The following OTUD4 variants were observed in gnomAD, a reference collection of about 807,000 sequenced individuals.
OTUD4 encodes the protein OTU domain-containing protein 4.
In OTUD4, 24 loss-of-function variants were observed where a neutral mutation model predicts 130.4. That is an observed-to-expected ratio of 0.18 (90% CI 0.13 to 0.26). The LOEUF (loss-of-function observed/expected upper bound fraction) is 0.26. Among genes scored for constraint, OTUD4 ranks in the 10% least tolerant of loss-of-function variants. OTUD4 has a pLI of 1.00. For missense variants in OTUD4, 1,031 were observed against 1,329.4 expected (o/e 0.78, Z 3.49); for synonymous variants, 420 against 472.5 (o/e 0.89, Z 1.44).
chr4:145,155,998 T>TA lies in OTUD4; in HGVS notation c.630-3dup, dbSNP rs1751270500. 8 of 1,608,644 alleles carry TA rather than the reference T, an allele frequency of 5.0e-6. No homozygotes were observed. The highest frequency in any genetic ancestry group is 6.8e-6 in the Non-Finnish European group (8 of 1,177,722). ...GCAGCAGCAGCAGCAGTCTTACTCC[T>TA]ACAAAGAAAGATAACCATAATTGGG... is the stretch of plus-strand genomic sequence containing the variant. On this transcript the variant is annotated splice_polypyrimidine_tract_variant and splice_region_variant and intron_variant, in intron 7 of 20. Transcript: ENST00000447906.
intron 17 of OTUD4, 68 bp from the exon 18 acceptor site, chr4:145,142,402 C>T: frequency 1.4e-6 from 2 of 1,399,670 alleles, no homozygotes; most frequent in Non-Finnish European, 2.0e-6. Context: ...AACACTATTT[C>T]TAACCACCAG....
In OTUD4 at chr4:145,148,601, A is replaced by G. The variant is rs569337271; in HGVS notation, c.1259+1912T>C. ...CGATCAGAGTCAACACCAGAAACACACTGGATTATAAATTCAGTTTATAAT... is the reference window on the plus strand; with the variant it reads ...CGATCAGAGTCAACACCAGAAACACGCTGGATTATAAATTCAGTTTATAAT... On this transcript the variant is annotated intron_variant, in intron 13 of 20. Transcript: ENST00000447906. 3.3e-5 allele frequency among the ~76,000 whole-genome samples: 5 copies of G among 152,330 alleles called. No individual in the cohort carries two copies. The South Asian group carries it at 1.0e-3, about 32-fold the overall frequency.
At chr4:145,143,899 A>G (rs1278305353) in intron 16 of OTUD4, 47 bp downstream of exon 16, 1 of 1,354,928 alleles carries the variant, frequency 7.4e-7, no homozygotes, top group Non-Finnish European at 1.1e-6. Flanking sequence ...TGTACTACAC[A>G]GTATTAAGGA....
At chr4:145,163,373 A>T (rs1560993187) in intron 5 of OTUD4, among the ~76,000 whole-genome samples, 1 of 152,176 alleles carries the variant, frequency 6.6e-6, no homozygotes, top group Non-Finnish European at 1.5e-5. Context: ...AAGTCAGTTG[A>T]TCTTTCTTTC....
chr4:145,159,378 G>A (rs2126778476), intron 7 of OTUD4, 125 bp downstream of exon 7: 1 of 1,534,962 alleles, frequency 6.5e-7, no homozygotes, highest in Non-Finnish European at 8.7e-7. Context: ...GCAGACTGCT[G>A]TATTTTATGA....
rs571978685 is a variant in OTUD4 at position 145,137,890 on chromosome 4, T to C, written c.2885A>G (p.His962Arg). The C allele has an allele frequency of 6.2e-7, 1 of 1,614,148 alleles. No individual in the cohort carries two copies. The highest frequency in any genetic ancestry group is 1.3e-5 in the African/African-American group (1 of 75,044). Residue 962 changes from histidine to arginine, a missense_variant, in exon 21 of 21, where the codon CAT (histidine) becomes CGT (arginine). By Grantham distance (29) the His-to-Arg change is conservative. Transcript: ENST00000447906. ...SIPPVAEGKA[H>R]PPTQILNRER... ...TCTGTTTAGAATCTGAGTGGGAGGATGAGCCTTTCCCTCTGCTACAGGAGG... is the reference window on the plus strand; with the variant it reads ...TCTGTTTAGAATCTGAGTGGGAGGACGAGCCTTTCCCTCTGCTACAGGAGG...
chr4:145,168,774 T>C (rs1308491976), intron 3 of OTUD4, among the ~76,000 whole-genome samples: 1 of 152,218 alleles, frequency 6.6e-6, no homozygotes, highest in African/African-American at 2.4e-5. Context: ...GTTTACCAGA[T>C]GACCAAGCAA....
In OTUD4 at chr4:145,141,590, A is replaced by C. The variant is rs760667252; in HGVS notation, c.1872T>G (p.Thr624=). ...PVLSVTQTLT[T]GPDSAVSQAH... ...CTTGGGATACAGCTGAATCAGGTCC[A>C]GTGGTCAAAGTCTGTGTCACTGACA... The change falls in exon 19 of 21, where the codon ACT becomes ACG. Residue 624 remains threonine (T), a synonymous_variant. Coordinates refer to ENST00000447906, the MANE Select transcript of OTUD4 (RefSeq NM_001366057.1). 6.3e-7 allele frequency: 1 copy of C among 1,593,460 alleles called. No homozygotes were observed. The highest frequency in any genetic ancestry group is 1.7e-5 in the Admixed American group (1 of 57,800).
At chr4:145,138,715 C>T in intron 20 of OTUD4, 65 bp from the exon 21 acceptor site, 2 of 1,442,336 alleles carry the variant, frequency 1.4e-6, no homozygotes, top group Non-Finnish European at 1.9e-6. Context: ...GGGTGGATAT[C>T]AATCTACAAG....
chr4:145,137,747 T>C lies in OTUD4; in HGVS notation c.3028A>G (p.Asn1010Asp). The part of the protein sequence containing the change: ...TAADVVSPGA[N>D]SVDSRVQRPK... The stretch of plus-strand genomic sequence containing the variant: ...CTTTGCACTCTGCTATCAACAGAGT[T>C]GGCCCCAGGGCTGACCACATCAGCA... Residue 1010 changes from asparagine to aspartate, a missense_variant, in exon 21 of 21, where the codon AAC becomes GAC. Physicochemically the swap from Asn to Asp is conservative, Grantham distance 23. This residue lies in a region of OTUD4 where 900 missense variants were observed against 1,095.9 expected (regional missense o/e 0.82). Coordinates refer to ENST00000447906, the MANE Select transcript of OTUD4 (RefSeq NM_001366057.1). 1 of 1,613,970 alleles carries C rather than the reference T, an allele frequency of 6.2e-7. No homozygotes were observed. Among genetic ancestry groups the C allele is most frequent in the Non-Finnish European group, 8.5e-7 (1 of 1,179,870 alleles).
At position 145,155,894 on chromosome 4, in the gene OTUD4, A is replaced by G. The variant is rs78310000; in HGVS notation, c.690+42T>C. ...AAGATTTTAATGTACATGCTTTCTT[A>G]TATTAAAGAACTACATTTAAAACCA... On this transcript the variant is annotated intron_variant, in intron 8 of 20. Transcript: ENST00000447906. 1.1e-5 allele frequency: 16 copies of G among 1,449,008 alleles called. No individual in the cohort carries two copies. The Admixed American group carries it at 2.2e-4, about 20-fold the overall frequency. The allele number at this position is 1,449,008 out of a possible 1,614,324, so 89.8% of individuals were successfully genotyped here. A position where few individuals can be genotyped will look rare whatever the true frequency, so the allele number is the denominator to read the frequency against.
At position 145,146,267 on chromosome 4, in the gene OTUD4, G is replaced by A. The variant is rs776135057; in HGVS notation, c.1422C>T (p.Ser474=). Residue 474 remains serine (S), a splice_region_variant and synonymous_variant, in exon 14 of 21, where the codon TCC becomes TCT. Coordinates refer to ENST00000447906, the MANE Select transcript of OTUD4 (RefSeq NM_001366057.1). The stretch of plus-strand genomic sequence containing the variant: ...TTTTAAACTGTCTTTTCATACATAC[G>A]GAAAGGGCTGGGAAAGCCTGTTCAT... ...NRDEQAFPAL[S]SSSVNQSASQ... The A allele has an allele frequency of 1.9e-5, 29 of 1,513,284 alleles. No homozygotes were observed. The highest frequency in any genetic ancestry group is 3.5e-4 in the Middle Eastern group (2 of 5,752). 93.7% of individuals were successfully genotyped at this position (1,513,284 alleles called of 1,614,324 possible).
chr4:145,177,010 T>G (rs1752461189), intron 1 of OTUD4, among the ~76,000 whole-genome samples: 1 of 152,362 alleles, frequency 6.6e-6, no homozygotes, highest in Admixed American at 6.5e-5. Flanking sequence ...TTCTTATATA[T>G]TCTAAGAGTA....
In OTUD4 at chr4:145,161,010, T is replaced by C. The variant is rs552142585; in HGVS notation, c.497-1375A>G. Among the ~76,000 whole-genome samples the C allele has an allele frequency of 1.1e-4, 16 of 151,744 alleles. No homozygotes were observed. The East Asian group carries it at 2.7e-3, about 26-fold the overall frequency. On this transcript the variant is annotated intron_variant, in intron 6 of 20. Coordinates refer to ENST00000447906, the MANE Select transcript of OTUD4 (RefSeq NM_001366057.1). ...CTGTAATCCAAGCTACTCGGGAGGCTGAGGCAGGAGAATAGCTTAAACCCA... is the reference window on the plus strand; with the variant it reads ...CTGTAATCCAAGCTACTCGGGAGGCCGAGGCAGGAGAATAGCTTAAACCCA...
At chr4:145,156,928 C>G (rs1406158959) in intron 7 of OTUD4, among the ~76,000 whole-genome samples, 1 of 152,074 alleles carries the variant, frequency 6.6e-6, no homozygotes, top group Non-Finnish European at 1.5e-5. Flanking sequence ...ATACAGTATT[C>G]TCGGGATGTG....
chr4:145,152,442 T>C, intron 11 of OTUD4, 99 bp downstream of exon 11: 1 of 686,956 alleles, frequency 1.5e-6, no homozygotes, highest in Non-Finnish European at 2.5e-6. Context: ...GGCAATTATC[T>C]TTCATTGAAT....
chr4:145,137,164 TTAAC>T lies in OTUD4; in HGVS notation c.*262_*265del, dbSNP rs1451613867. 4 of 336,304 alleles carry T rather than the reference TTAAC, an allele frequency of 1.2e-5. No individual in the cohort carries two copies. The highest frequency in any genetic ancestry group is 2.2e-5 in the Non-Finnish European group (4 of 185,552). 20.8% of individuals were successfully genotyped at this position (336,304 alleles called of 1,614,324 possible). On this transcript the variant is annotated 3_prime_UTR_variant, in exon 21 of 21. Transcript: ENST00000447906. ...TATTAAGCTGTTTATAAAAAATACT[TTAAC>T]AAACTTATCTTCTACTTTTTACGGG...
chr4:145,155,917 C>T lies in OTUD4; in HGVS notation c.690+19G>A, dbSNP rs1217701039. 1.9e-6 allele frequency: 3 copies of T among 1,578,128 alleles called. No homozygotes were observed. The highest frequency in any genetic ancestry group is 1.8e-5 in the Admixed American group (1 of 54,462). ...TTATATTAAAGAACTACATTTAAAA[C>T]CACTTTTAAAAAAAATACCTCATTG... On this transcript the variant is annotated intron_variant, in intron 8 of 20. Transcript: ENST00000447906.
At chr4:145,171,360 G>A (rs935935617) in intron 3 of OTUD4, 1 of 211,470 alleles carries the variant, frequency 4.7e-6, no homozygotes, top group Non-Finnish European at 9.2e-6. Flanking sequence ...CCCTGTCCAA[G>A]TTCCATACAC....
Sources: gnomAD v4.1 joint callset for allele counts (sites outside exome capture counted in the v4.1 genomes callset) on GRCh38, gnomAD v4.1.1 for gene constraint, gnomAD v4.1.1 regional missense constraint, MANE v1.5 for transcripts, NCBI Gene and HGNC (gene_info 2026-07-23, HGNC 2026-07-21) for gene names.